The following NKIRAS2 variants were observed in gnomAD, a reference collection of about 807,000 sequenced individuals.
NKIRAS2 encodes NF-kappa-B inhibitor-interacting Ras-like protein 2.
Under a neutral mutation model 20.7 loss-of-function variants are expected in NKIRAS2, and 15 were observed. The observed-to-expected ratio is 0.73, with a 90% CI of 0.49 to 1.12. The LOEUF (loss-of-function observed/expected upper bound fraction) is 1.12, where lower values mean the gene tolerates loss of function less well. Ranked by LOEUF, NKIRAS2 falls within the 50% of genes most tolerant of loss-of-function variation. The pLI, the probability that NKIRAS2 is intolerant of heterozygous loss-of-function variation, is 0.00. For missense variants in NKIRAS2, 196 were observed against 249.6 expected (o/e 0.79, Z 1.45); for synonymous variants, 116 against 101.4 (o/e 1.14, Z -0.87).
At chr17:42,018,390 G>A (rs2052363700), upstream of NKIRAS2, 1 of 152,178 alleles carries the variant, frequency 6.6e-6, no homozygotes, top group Admixed American at 6.5e-5. Context: ...ACAATGTAAA[G>A]CTAAGAGTAA....
upstream of NKIRAS2, chr17:42,017,750 GA>G (rs1297076728): frequency 1.7e-5 from 7 of 411,570 alleles, no homozygotes; most frequent in Non-Finnish European, 3.1e-5. Flanking sequence ...TCCAATCCTA[GA>G]GAGTCTTCCT....
intron 1 of NKIRAS2, chr17:42,021,318 C>T: frequency 4.6e-6 from 2 of 435,872 alleles, no homozygotes; most frequent in East Asian, 4.1e-5. Flanking sequence ...AAAATAACAG[C>T]TTACCATCCA....
Position 42,021,562 on chromosome 17 carries a change from A to G in NKIRAS2, c.-14-2A>G, listed in dbSNP as rs782448310. 3.7e-6 allele frequency: 6 copies of G among 1,613,296 alleles called. No homozygotes were observed. The highest frequency in any genetic ancestry group is 2.2e-5 in the South Asian group (2 of 91,076). ...TTACCCAGCGTGCTTCTGTTCTTCA[A>G]GGTTGAAAACTAAGCATGGGGAAGA... On this transcript the variant is annotated splice_acceptor_variant, in intron 1 of 3. Transcript: ENST00000393885. LOFTEE classifies it low-confidence loss of function (5UTR_SPLICE).
At chr17:42,021,983 G>T in intron 2 of NKIRAS2, 2 of 585,690 alleles carry the variant, frequency 3.4e-6, no homozygotes, top group Non-Finnish European at 6.6e-6. Context: ...GCTGAGGCGG[G>T]TGGATCACCT....
At position 42,023,780 on chromosome 17, in the gene NKIRAS2, C is replaced by T. The variant is rs538816815; in HGVS notation, c.463C>T (p.Arg155Cys). ...GTGGGAGGTGTCAGTGGCGGACCGG[C>T]GCTCCCTCCTGGAGCCCTTTGTCTA... ...KLWEVSVADR[R>C]SLLEPFVYLA... The change falls in exon 4 of 4, where the codon CGC (arginine) becomes TGC (cysteine). Residue 155 changes from arginine (R) to cysteine (C), a missense_variant. Physicochemically the swap from Arg to Cys is radical, Grantham distance 180. Coordinates refer to ENST00000393885, the MANE Select transcript of NKIRAS2 (RefSeq NM_017595.6). 67 of 1,614,174 alleles carry T rather than the reference C, an allele frequency of 4.2e-5. No homozygotes were observed. The highest frequency in any genetic ancestry group is 4.5e-5 in the Non-Finnish European group (53 of 1,180,042).
upstream of NKIRAS2, among the ~76,000 whole-genome samples, chr17:42,019,383 C>T (rs1212554368): frequency 1.3e-5 from 2 of 152,218 alleles, no homozygotes; most frequent in Non-Finnish European, 2.9e-5. Flanking sequence ...CCCTCTTCTG[C>T]CAGAGTGACC....
chr17:42,017,608 G>A (rs967762748), upstream of NKIRAS2: 4 of 677,338 alleles, frequency 5.9e-6, no homozygotes, highest in Non-Finnish European at 7.3e-6. Context: ...GCCGGGGCGG[G>A]AGCCCAGGGG....
chr17:42,020,075 C>CGGCGGG (rs1284818062), upstream of NKIRAS2: 1 of 152,242 alleles, frequency 6.6e-6, no homozygotes, highest in Non-Finnish European at 1.5e-5. Context: ...AGCGGGCAGG[C>CGGCGGG]GGCGGGGGCG....
chr17:42,019,800 G>A (rs568454292), upstream of NKIRAS2, among the ~76,000 whole-genome samples: 2 of 152,384 alleles, frequency 1.3e-5, no homozygotes, highest in Admixed American at 6.5e-5. Flanking sequence ...GGCACAGACA[G>A]ATGATGCTCA....
intron 2 of NKIRAS2, 180 bp downstream of exon 2, chr17:42,021,851 A>T: frequency 1.3e-6 from 1 of 755,630 alleles, no homozygotes; most frequent in Non-Finnish European, 2.4e-6. Context: ...AGAAAGCCCT[A>T]TGTCCAAGAT....
intron 1 of NKIRAS2, 65 bp from the exon 2 acceptor site, chr17:42,021,499 A>G (rs141089028): frequency 9.5e-5 from 128 of 1,350,804 alleles, no homozygotes; most frequent in Admixed American, 5.5e-4. Context: ...AACATCTGCT[A>G]GTAACTGCCT....
In NKIRAS2 at chr17:42,023,865, AC is replaced by A. The variant is rs1555653654; in HGVS notation, c.549del (p.Asn183LysfsTer36). 2 of 1,614,166 alleles carry A rather than the reference AC, an allele frequency of 1.2e-6. No homozygotes were observed. Among genetic ancestry groups the A allele is most frequent in the South Asian group, 2.2e-5 (2 of 91,084 alleles). ...SKSAFPLSRK[N>X]KGSGSLDG ...TCTGCCTTCCCCCTCAGCCGGAAGA[AC>A]AAGGGCAGCGGCTCCTTGGATGGCT... On this transcript the variant is annotated frameshift_variant, in exon 4 of 4. Transcript: ENST00000393885. LOFTEE classifies it high-confidence loss of function.
Position 42,022,473 on chromosome 17 carries a change from G to A in NKIRAS2, c.169G>A (p.Val57Met). The change falls in exon 3 of 4, where the codon GTG becomes ATG. Residue 57 changes from valine (V) to methionine (M), a missense_variant. By Grantham distance (21) the Val-to-Met change is conservative (BLOSUM62 1). Transcript: ENST00000393885. ...GACAGACCGGGGGGTGCGAGAGCAG[G>A]TGCGTTTCTATGACACCCGGGGGCT... is the stretch of plus-strand genomic sequence containing the variant. ...IETDRGVREQ[V>M]RFYDTRGLRD... is the part of the protein sequence containing the mutation. 6.2e-7 allele frequency: 1 copy of A among 1,613,574 alleles called. No homozygotes were observed. The highest frequency in any genetic ancestry group is 1.3e-5 in the African/African-American group (1 of 75,022).
chr17:42,022,015 G>A, intron 2 of NKIRAS2: 1 of 533,918 alleles, frequency 1.9e-6, no homozygotes, highest in Non-Finnish European at 3.6e-6. Context: ...TTCGAGACCA[G>A]CCTAACGAAC....
chr17:42,022,173 C>T (rs540129399), intron 2 of NKIRAS2: 4 of 527,044 alleles, frequency 7.6e-6, no homozygotes, highest in African/African-American at 5.7e-5. Flanking sequence ...TGCGCCATTG[C>T]ACTCCAGCCT....
In NKIRAS2 at chr17:42,022,410, A is replaced by G. The variant is rs1598170722; in HGVS notation, c.106A>G (p.Ile36Val). 6.3e-7 allele frequency: 1 copy of G among 1,585,544 alleles called. No homozygotes were observed. The highest frequency in any genetic ancestry group is 8.6e-7 in the Non-Finnish European group (1 of 1,160,592). The change falls in exon 3 of 4, where the codon ATC becomes GTC. Residue 36 changes from isoleucine to valine, a missense_variant. By Grantham distance (29) the Ile-to-Val change is conservative (BLOSUM62 3). Coordinates refer to ENST00000393885, the MANE Select transcript of NKIRAS2 (RefSeq NM_017595.6). Reference protein sequence around the residue: ...YGNHVVGSEMIETQEDIYVGS... With the variant: ...YGNHVVGSEMVETQEDIYVGS... ...TCATTTTATACCAGGTTCGGAGATG[A>G]TCGAGACGCAGGAGGACATCTACGT...
At chr17:42,021,403 G>C (rs2052445540) in intron 1 of NKIRAS2, 161 bp from the exon 2 acceptor site, 1 of 614,494 alleles carries the variant, frequency 1.6e-6, no homozygotes, top group Non-Finnish European at 3.0e-6. Context: ...TATACATTCA[G>C]TTTAGAACTA....
chr17:42,023,308 C>G (rs1169685122), intron 3 of NKIRAS2, among the ~76,000 whole-genome samples: 1 of 152,222 alleles, frequency 6.6e-6, no homozygotes, highest in African/African-American at 2.4e-5. Flanking sequence ...CACGAAGGCC[C>G]TTCTGTTCTC....
At chr17:42,019,209 G>A (rs372576724), upstream of NKIRAS2, among the ~76,000 whole-genome samples, 7 of 152,230 alleles carry the variant, frequency 4.6e-5, no homozygotes, top group South Asian at 4.1e-4. Context: ...GGAGTTAGAG[G>A]CTGCAGTGAG....
Sources: gnomAD v4.1 joint callset for allele counts (sites outside exome capture counted in the v4.1 genomes callset) on GRCh38, gnomAD v4.1.1 for gene constraint, MANE v1.5 for transcripts, NCBI Gene and HGNC (gene_info 2026-07-23, HGNC 2026-07-21) for gene names.